The following MTCL1 variants were observed in gnomAD, a reference collection of about 807,000 sequenced individuals.
MTCL1 encodes the protein microtubule cross-linking factor 1.
A neutral mutation model predicts 141.4 loss-of-function variants in MTCL1; 79 were observed. The observed-to-expected ratio is 0.56, with a 90% CI of 0.47 to 0.67. The LOEUF (loss-of-function observed/expected upper bound fraction) is 0.67, where lower values mean the gene tolerates loss of function less well. Among genes scored for constraint, MTCL1 ranks in the 30% least tolerant of loss-of-function variants. The probability of loss-of-function intolerance (pLI) is 0.00; values close to 1 mark genes in which losing one functional copy is unlikely to be tolerated. For missense variants in MTCL1, 2,177 were observed against 2,113.9 expected (o/e 1.03, Z -0.59); for synonymous variants, 914 against 875.8 (o/e 1.04, Z -0.77).
chr18:8,831,541 G>A (rs1470638916), intron 16 of MTCL1, 66 bp from the exon 15 acceptor site: 1 of 1,529,600 alleles, frequency 6.5e-7, no homozygotes, highest in East Asian at 2.5e-5. Context: ...AAGTGTGTTT[G>A]GGGGAATCAT....
chr18:8,813,626 C>T (rs1384804169), intron 12 of MTCL1, among the ~76,000 whole-genome samples: 2 of 152,226 alleles, frequency 1.3e-5, no homozygotes, highest in Admixed American at 1.3e-4. Context: ...GATGTGGTCA[C>T]AGTGACTGCT....
At chr18:8,827,727 A>G (rs2077070712) in intron 15 of MTCL1, among the ~76,000 whole-genome samples, 1 of 152,204 alleles carries the variant, frequency 6.6e-6, no homozygotes, top group Non-Finnish European at 1.5e-5. Context: ...CTGTGTCTGT[A>G]TTGTCTGTTT....
At position 8,784,101 on chromosome 18, in the gene MTCL1, G is replaced by T. The variant is rs760065754; in HGVS notation, c.989G>T (p.Gly330Val). The T allele has an allele frequency of 1.9e-6, 3 of 1,613,316 alleles. 1 individual carries two copies. The highest frequency in any genetic ancestry group is 2.2e-5 in the South Asian group (2 of 91,090). ...GAGGGTGCAAGTCCTGGTGCCGGGG[G>T]TGGGGCCCCCCTGCAGGAGGAGCTG... The change falls in exon 6 of 17, where the codon GGT becomes GTT. Residue 330 changes from glycine to valine, a missense_variant. Transcript: ENST00000359865.
At chr18:8,809,792 G>C (rs2076421128) in intron 11 of MTCL1, 1 of 613,562 alleles carries the variant, frequency 1.6e-6, no homozygotes, top group African/African-American at 1.8e-5. Context: ...ATGGAAAGGG[G>C]ACAGGTTGGA....
intron 9 of MTCL1, among the ~76,000 whole-genome samples, chr18:8,796,983 G>C (rs970786797): frequency 6.6e-6 from 1 of 152,114 alleles, no homozygotes; most frequent in African/African-American, 2.4e-5. Context: ...CATCAATTTT[G>C]GTCCAAGAAA....
At chr18:8,724,555 C>A (rs559428349) in intron 4 of MTCL1, among the ~76,000 whole-genome samples, 2 of 152,270 alleles carry the variant, frequency 1.3e-5, no homozygotes, top group East Asian at 3.9e-4. Context: ...CTAGTCCTTT[C>A]CTTTTGTTTT....
exon 12 of MTCL1, chr18:8,813,128 C>A: frequency 6.2e-7 from 1 of 1,614,112 alleles, no homozygotes; most frequent in Non-Finnish European, 8.5e-7. Context: ...TCCATCACAG[C>A]GAGAAGAACT....
Position 8,789,056 on chromosome 18 carries a change from C to T in MTCL1, c.1887+2965C>T, listed in dbSNP as rs529108591. Among the ~76,000 whole-genome samples, 9 of 152,278 alleles carry T rather than the reference C, an allele frequency of 5.9e-5. No individual in the cohort carries two copies. In the East Asian group the frequency reaches 1.5e-3, roughly 26 times the overall value. ...GTCCTGAATGAGAAGTAGCCATGCA[C>T]GGACGCTGGTCAGATTTCAGGTATA... is the stretch of plus-strand genomic sequence containing the variant. On this transcript the variant is annotated intron_variant, in intron 7 of 16. Transcript: ENST00000359865.
chr18:8,739,113 C>T (rs2096288413), intron 4 of MTCL1, among the ~76,000 whole-genome samples: 1 of 152,128 alleles, frequency 6.6e-6, no homozygotes, highest in South Asian at 2.1e-4. Flanking sequence ...GGTGTGGTGA[C>T]ATGTACCTAT....
chr18:8,798,302 C>T lies in MTCL1; in HGVS notation c.2436+11C>T, dbSNP rs369809964. ...CAGCCCCACAAACAGGTGGGTACCTCGACCCGAGCCTGTCGCCCTGCCCAC... is the reference window on the plus strand; with the variant it reads ...CAGCCCCACAAACAGGTGGGTACCTTGACCCGAGCCTGTCGCCCTGCCCAC... On this transcript the variant is annotated intron_variant, in intron 10 of 16. Transcript: ENST00000359865. 6 of 1,500,076 alleles carry T rather than the reference C, an allele frequency of 4.0e-6. No homozygotes were observed. The highest frequency in any genetic ancestry group is 4.4e-6 in the Non-Finnish European group (5 of 1,125,134). 92.9% of individuals were successfully genotyped at this position (1,500,076 alleles called of 1,614,324 possible).
chr18:8,821,599 A>G lies in MTCL1; in HGVS notation c.3188+101A>G, dbSNP rs568649681. The stretch of plus-strand genomic sequence containing the variant: ...AGTCTATTTTACCACTCTCTTCAAA[A>G]TGACTTAAAATTATGCCACTTCTGA... On this transcript the variant is annotated intron_variant, in intron 14 of 16. Coordinates refer to ENST00000359865, the Ensembl canonical transcript of MTCL1. 1.0e-5 allele frequency: 6 copies of G among 572,396 alleles called. No homozygotes were observed. Among genetic ancestry groups the G allele is most frequent in the African/African-American group, 7.8e-5 (4 of 51,378 alleles). The allele number at this position is 572,396 out of a possible 1,614,324, so 35.5% of individuals were successfully genotyped here. A position where few individuals can be genotyped will look rare whatever the true frequency, so the allele number is the denominator to read the frequency against.
chr18:8,758,330 C>A (rs555969760), intron 4 of MTCL1, among the ~76,000 whole-genome samples: 1 of 152,286 alleles, frequency 6.6e-6, no homozygotes, highest in South Asian at 2.1e-4. Context: ...GCCACACCCA[C>A]TCTTCTAATC....
intron 4 of MTCL1, among the ~76,000 whole-genome samples, chr18:8,759,093 C>T (rs976782713): frequency 6.6e-6 from 1 of 152,210 alleles, no homozygotes; most frequent in African/African-American, 2.4e-5. Context: ...TGCGATCACA[C>T]TTTGAAGAAA....
intron 4 of MTCL1, among the ~76,000 whole-genome samples, chr18:8,754,213 G>A (rs919529736): frequency 6.6e-6 from 1 of 152,138 alleles, no homozygotes; most frequent in Non-Finnish European, 1.5e-5. Context: ...TGGGATCACA[G>A]GTGTGCACCA....
chr18:8,742,824 T>C (rs2096312179), intron 4 of MTCL1, among the ~76,000 whole-genome samples: 1 of 152,236 alleles, frequency 6.6e-6, no homozygotes, highest in South Asian at 2.1e-4. Context: ...GTTTATACAG[T>C]TTTCCCTTAA....
intron 4 of MTCL1, among the ~76,000 whole-genome samples, chr18:8,735,229 A>AAGG (rs1210795323): frequency 2.0e-5 from 3 of 152,172 alleles, no homozygotes; most frequent in Non-Finnish European, 4.4e-5. Context: ...CATATGCATG[A>AAGG]AGGTGGCCTT....
intron 4 of MTCL1, among the ~76,000 whole-genome samples, chr18:8,772,332 A>G (rs1348912983): frequency 6.6e-6 from 1 of 152,234 alleles, no homozygotes; most frequent in East Asian, 1.9e-4. Context: ...AATAACTTCC[A>G]TTGAATTGTC....
intron 4 of MTCL1, among the ~76,000 whole-genome samples, chr18:8,725,417 T>C (rs1353557404): frequency 6.6e-6 from 1 of 152,180 alleles, no homozygotes; most frequent in Non-Finnish European, 1.5e-5. Flanking sequence ...TTGATTTAAA[T>C]CTGTTAGATT....
chr18:8,773,745 T>C (rs557234502), intron 4 of MTCL1, among the ~76,000 whole-genome samples: 1 of 152,348 alleles, frequency 6.6e-6, no homozygotes, highest in African/African-American at 2.4e-5. Flanking sequence ...TCTCACAATA[T>C]GTTTAGTTGT....
Sources: allele counts gnomAD v4.1 joint callset (sites outside exome capture counted in the v4.1 genomes callset), GRCh38; gene constraint gnomAD v4.1.1; transcripts MANE v1.5; gene names NCBI Gene and HGNC (gene_info 2026-07-23, HGNC 2026-07-21).